DMD: variants seen among roughly 807,000 people sequenced by gnomAD.
DMD encodes the protein mutant dystrophin.
DMD carries 63 observed loss-of-function variants against 330.1 expected under a neutral mutation model. The ratio of observed to expected loss-of-function variants is 0.19; its 90% CI spans 0.16 to 0.24. DMD has a LOEUF of 0.24. Among genes scored for constraint, DMD ranks in the 10% least tolerant of loss-of-function variants. The pLI, the probability that DMD is intolerant of heterozygous loss-of-function variation, is 1.00. For missense variants in DMD, 3,344 were observed against 2,684.1 expected (o/e 1.25, Z -5.43); for synonymous variants, 1,223 against 959.8 (o/e 1.27, Z -5.07).
chrX:32,690,649 T>C (rs2063210611), intron 9 of DMD, among the ~76,000 whole-genome samples: 1 of 105,167 alleles, frequency 9.5e-6, no homozygotes, highest in Non-Finnish European at 1.9e-5. Context: ...GACAGACATA[T>C]AGACCAATAG....
chrX:31,959,850 C>T (rs1283867628), intron 45 of DMD, among the ~76,000 whole-genome samples: 4 of 105,372 alleles, frequency 3.8e-5, no homozygotes, highest in Non-Finnish European at 7.8e-5. Flanking sequence ...CTGCAACCTC[C>T]GCCTCCCGGG....
chrX:33,091,556 C>G (rs953973461), intron 1 of DMD, among the ~76,000 whole-genome samples: 1 of 111,897 alleles, frequency 8.9e-6, no homozygotes, highest in Non-Finnish European at 1.9e-5. Flanking sequence ...ATAGAAAGTT[C>G]TATGTTTTTT....
rs746981131 is a variant in DMD, at chrX:33,094,038, G to C, written c.32-73838C>G. Reference sequence around the variant, plus strand: ...TGTTCGCAGATTCTACTTGTATCATGATGGGTTGCTTTTGTGACATAACTA... The same window carrying C: ...TGTTCGCAGATTCTACTTGTATCATCATGGGTTGCTTTTGTGACATAACTA... On this transcript the variant is annotated intron_variant, in intron 1 of 78. Coordinates refer to ENST00000357033, the MANE Select transcript of DMD (RefSeq NM_004006.3). Among the ~76,000 whole-genome samples the C allele has an allele frequency of 2.7e-5, 3 of 110,624 alleles. No individual in the cohort carries two copies. The Admixed American group carries it at 2.9e-4, about 11-fold the overall frequency.
At chrX:32,636,890 G>T (rs1272780629) in intron 11 of DMD, among the ~76,000 whole-genome samples, 2 of 110,000 alleles carry the variant, frequency 1.8e-5, no homozygotes, top group Non-Finnish European at 1.9e-5. Context: ...CCCAACTACT[G>T]GGGAGGCTGA....
chrX:33,148,431 C>A (rs1256046442), intron 1 of DMD, among the ~76,000 whole-genome samples: 1 of 111,991 alleles, frequency 8.9e-6, no homozygotes, highest in Non-Finnish European at 1.9e-5. Flanking sequence ...ACACGAGCGT[C>A]CCAGTTTTGG....
At chrX:32,404,274 G>A (rs1320233486) in intron 30 of DMD, among the ~76,000 whole-genome samples, 1 of 111,459 alleles carries the variant, frequency 9.0e-6, no homozygotes, top group Non-Finnish European at 1.9e-5. Flanking sequence ...ATTGTTAATG[G>A]GAGGGAAAAA....
chrX:33,014,255 C>T (rs774576615), intron 2 of DMD, among the ~76,000 whole-genome samples: 1 of 111,830 alleles, frequency 8.9e-6, no homozygotes, highest in Non-Finnish European at 1.9e-5. Flanking sequence ...ACTTAAATGG[C>T]TGTAGAGGCC....
intron 6 of DMD, among the ~76,000 whole-genome samples, 190 bp from the exon 7 acceptor site, chrX:32,809,801 A>T (rs1050955429): frequency 4.6e-5 from 5 of 108,113 alleles, no homozygotes; most frequent in African/African-American, 1.3e-4. Context: ...GGAAGATCTC[A>T]TTGGGTGTGG....
intron 20 of DMD, among the ~76,000 whole-genome samples, chrX:32,488,056 C>T (rs1409461228): frequency 9.0e-6 from 1 of 111,527 alleles, no homozygotes; most frequent in Admixed American, 9.5e-5. Flanking sequence ...AAAGAGCCAA[C>T]ATTATAGCCA....
intron 60 of DMD, among the ~76,000 whole-genome samples, chrX:31,396,529 A>T (rs1460947012): frequency 9.6e-6 from 1 of 104,059 alleles, no homozygotes; most frequent in African/African-American, 3.5e-5. Flanking sequence ...AATTCTACTT[A>T]GACAAAGGAA....
intron 2 of DMD, among the ~76,000 whole-genome samples, chrX:32,942,112 A>AGTGTGTGTGTGCGTGTGTGTGTGTGT (rs750433340): frequency 9.1e-6 from 1 of 110,070 alleles, no homozygotes; most frequent in Admixed American, 9.6e-5. Context: ...TTGAGAAGGG[A>AGTGTGTGTGTGCGTGTGTGTGTGTGT]GTGTGTGCGT....
intron 9 of DMD, among the ~76,000 whole-genome samples, chrX:32,657,013 G>A (rs940243563): frequency 5.6e-5 from 5 of 88,876 alleles, no homozygotes; most frequent in Non-Finnish European, 8.0e-5. Flanking sequence ...CAACTTATAT[G>A]TGTGTGTGTG....
chrX:32,358,081 T>C (rs1047037501), intron 37 of DMD, among the ~76,000 whole-genome samples: 2 of 109,996 alleles, frequency 1.8e-5, no homozygotes, highest in Admixed American at 2.0e-4. Context: ...CAAACACTGT[T>C]ATCGGAAAAT....
chrX:31,816,794 T>TCTCACTCACACACACACACACA (rs1556914952), intron 50 of DMD, among the ~76,000 whole-genome samples: 1 of 85,344 alleles, frequency 1.2e-5, no homozygotes, highest in Non-Finnish European at 2.3e-5. Context: ...CAAGATTCTG[T>TCTCACTCACACACACACACACA]CACACACACA....
At chrX:31,830,743 T>C (rs1357200738) in intron 49 of DMD, among the ~76,000 whole-genome samples, 1 of 111,958 alleles carries the variant, frequency 8.9e-6, no homozygotes, top group Admixed American at 9.4e-5. Context: ...AGCTGGCAGC[T>C]GGCAGCTAGC....
At chrX:32,966,832 T>C (rs2092174439) in intron 2 of DMD, among the ~76,000 whole-genome samples, 1 of 112,020 alleles carries the variant, frequency 8.9e-6, no homozygotes, top group Non-Finnish European at 1.9e-5. Context: ...AATTTCAGAA[T>C]GTCTGAGTGA....
intron 60 of DMD, among the ~76,000 whole-genome samples, chrX:31,420,559 A>G (rs1371139327): frequency 1.8e-5 from 2 of 112,565 alleles, no homozygotes; most frequent in African/African-American, 6.4e-5. Context: ...TTAGTTTTAA[A>G]GAAGTGAGAA....
At chrX:33,288,022 C>A (rs1363578944) in intron 1 of DMD, among the ~76,000 whole-genome samples, 1 of 111,648 alleles carries the variant, frequency 9.0e-6, no homozygotes, top group Non-Finnish European at 1.9e-5. Flanking sequence ...GAATGGCTTT[C>A]CAGCCTTCTG....
chrX:33,185,013 C>G (rs1333269799), intron 1 of DMD, among the ~76,000 whole-genome samples: 15 of 110,260 alleles, frequency 1.4e-4, no homozygotes, highest in Non-Finnish European at 2.8e-4. Flanking sequence ...TGAGCCACCG[C>G]GCCCGGCCCA....
Sources: gnomAD v4.1 joint callset for allele counts (sites outside exome capture counted in the v4.1 genomes callset) on GRCh38, gnomAD v4.1.1 for gene constraint, MANE v1.5 for transcripts, NCBI Gene and HGNC (gene_info 2026-07-23, HGNC 2026-07-21) for gene names.